The following SLC22A15 variants were observed in gnomAD, a reference collection of about 807,000 sequenced individuals.
The protein encoded by SLC22A15 is solute carrier family 22 member 15.
SLC22A15 carries 45 observed loss-of-function variants against 62.7 expected under a neutral mutation model. The observed-to-expected ratio is 0.72, with a 90% confidence interval of 0.56 to 0.92. SLC22A15 has a LOEUF of 0.92. SLC22A15 is among the 40% of genes least tolerant of loss of function. The pLI is 0.00. For synonymous variants in SLC22A15, 264 were observed against 267.0 expected (o/e 0.99, Z 0.11); for missense variants, 622 against 665.6 (o/e 0.93, Z 0.72).
chr1:116,000,623 TC>T (rs1655674019), intron 2 of SLC22A15, among the ~76,000 whole-genome samples: 2 of 116,122 alleles, frequency 1.7e-5, no homozygotes, highest in Admixed American at 2.4e-4. Flanking sequence ...TTCTTTTTTT[TC>T]CTTTTTTTTT....
chr1:115,993,236 T>C (rs1401830491), intron 2 of SLC22A15, among the ~76,000 whole-genome samples: 1 of 152,160 alleles, frequency 6.6e-6, no homozygotes, highest in Non-Finnish European at 1.5e-5. Context: ...CATGTGTCTG[T>C]TGACACTGTT....
At chr1:115,977,126 C>T (rs1654347161) in intron 1 of SLC22A15, among the ~76,000 whole-genome samples, 2 of 152,226 alleles carry the variant, frequency 1.3e-5, no homozygotes, top group Non-Finnish European at 2.9e-5. Flanking sequence ...GAATCTAGGA[C>T]ACAGTCTTGA....
chr1:115,988,416 AC>A (rs1431687563), intron 1 of SLC22A15, among the ~76,000 whole-genome samples: 6 of 152,168 alleles, frequency 3.9e-5, no homozygotes, highest in African/African-American at 1.4e-4. Context: ...ACCAAAGAGA[AC>A]CACCCCCATA....
chr1:116,017,228 C>T (rs751834990), intron 2 of SLC22A15, among the ~76,000 whole-genome samples: 5 of 151,812 alleles, frequency 3.3e-5, no homozygotes, highest in South Asian at 2.1e-4. Context: ...CCCTGAACCA[C>T]GTATTTAAAG....
Position 115,992,052 on chromosome 1 carries a change from A to G in SLC22A15, c.109A>G (p.Ile37Val), listed in dbSNP as rs1320635082. Residue 37 changes from isoleucine to valine, a missense_variant, in exon 2 of 12, where the codon ATC becomes GTC. Transcript: ENST00000369503. ...LLQLYVATEA[I>V]LIALVGATPS... ...TCAGCTCTACGTGGCCACGGAGGCC[A>G]TCCTCATTGCACTGGTTGGGGCCAC... 1 of 1,613,740 alleles carries G rather than the reference A, an allele frequency of 6.2e-7. No individual in the cohort carries two copies. Among genetic ancestry groups the G allele is most frequent in the Admixed American group, 1.7e-5 (1 of 60,026 alleles).
chr1:116,034,858 T>C (rs1657574227), intron 6 of SLC22A15, among the ~76,000 whole-genome samples: 1 of 152,240 alleles, frequency 6.6e-6, no homozygotes. Context: ...AAATAAAGAA[T>C]AGGGTCATTG....
chr1:116,033,314 A>C (rs1282036598), intron 6 of SLC22A15, among the ~76,000 whole-genome samples: 1 of 152,128 alleles, frequency 6.6e-6, no homozygotes, highest in Non-Finnish European at 1.5e-5. Flanking sequence ...TGTTTGGGGG[A>C]CATAAAGAGG....
At chr1:116,054,642 C>T (rs1658153246) in intron 8 of SLC22A15, among the ~76,000 whole-genome samples, 1 of 152,114 alleles carries the variant, frequency 6.6e-6, no homozygotes, top group South Asian at 2.1e-4. Context: ...CCAAAATTGA[C>T]CACATAGTTG....
At position 116,055,004 on chromosome 1, in the gene SLC22A15, A is replaced by C. The variant is rs1182374085; in HGVS notation, c.1172-7758A>C. Among the ~76,000 whole-genome samples, 806 of 151,980 alleles carry C rather than the reference A, an allele frequency of 5.3e-3. 4 individuals are homozygous for C. The highest frequency in any genetic ancestry group is 0.018 in the African/African-American group (749 of 41,410). On this transcript the variant is annotated intron_variant, in intron 8 of 11. Transcript: ENST00000369503. ...ATCACAATTAAAAGAACTAGAAAAG[A>C]AAGAGCAAACACATTCAAAAGCTAG... is the stretch of plus-strand genomic sequence containing the variant.
Sources: allele counts gnomAD v4.1 joint callset (sites outside exome capture counted in the v4.1 genomes callset), GRCh38; gene constraint gnomAD v4.1.1; transcripts MANE v1.5; gene names NCBI Gene and HGNC (gene_info 2026-07-23, HGNC 2026-07-21).